The following LRIG2 variants were observed in gnomAD, a reference collection of about 807,000 sequenced individuals.
LRIG2 encodes leucine-rich repeats and immunoglobulin-like domains protein 2.
A neutral mutation model predicts 107.8 loss-of-function variants in LRIG2; 93 were observed. That is an observed-to-expected ratio of 0.86 (90% CI 0.73 to 1.03). The LOEUF (loss-of-function observed/expected upper bound fraction) is 1.03, where lower values mean the gene tolerates loss of function less well. Ranked by LOEUF, LRIG2 falls within the 50% of genes least tolerant of loss-of-function variation. The pLI, the probability that LRIG2 is intolerant of heterozygous loss-of-function variation, is 0.00. For missense variants in LRIG2, 1,226 were observed against 1,296.0 expected, an observed-to-expected ratio of 0.95 and a Z score of 0.83; for synonymous variants, 471 against 470.6, an observed-to-expected ratio of 1.00 and a Z score of -0.01.
chr1:113,101,178 C>T (rs946290842), intron 11 of LRIG2, among the ~76,000 whole-genome samples: 6 of 152,138 alleles, frequency 3.9e-5, no homozygotes, highest in Non-Finnish European at 7.3e-5. Context: ...TCAAGCGGTT[C>T]TCACCTCAGC....
At chr1:113,105,639 G>A (rs1381492290) in intron 11 of LRIG2, among the ~76,000 whole-genome samples, 1 of 152,146 alleles carries the variant, frequency 6.6e-6, no homozygotes, top group Non-Finnish European at 1.5e-5. Context: ...AGAGCCAGGT[G>A]TGGTGGCTCA....
At chr1:113,114,267 C>T (rs1000149355) in intron 14 of LRIG2, among the ~76,000 whole-genome samples, 160 bp from the exon 15 acceptor site, 1 of 151,888 alleles carries the variant, frequency 6.6e-6, no homozygotes, top group African/African-American at 2.4e-5. Flanking sequence ...AAGATTGAGG[C>T]TTTTTTCAGG....
At chr1:113,120,751 C>A (rs1655213226) in intron 17 of LRIG2, among the ~76,000 whole-genome samples, 1 of 151,644 alleles carries the variant, frequency 6.6e-6, no homozygotes, top group African/African-American at 2.4e-5. Flanking sequence ...CTCAGGTGAG[C>A]CACCCACCTT....
chr1:113,102,261 AT>A (rs58695970), intron 11 of LRIG2, among the ~76,000 whole-genome samples: 148,490 of 150,478 alleles, frequency 0.99, 73,291 homozygotes, highest in South Asian at 1. Flanking sequence ...TTGTTCCAGT[AT>A]TTTTTTTTTT....
intron 9 of LRIG2, 61 bp downstream of exon 9, chr1:113,098,846 T>C (rs1654181887): frequency 2.0e-6 from 2 of 981,556 alleles, no homozygotes; most frequent in East Asian, 2.4e-5. Flanking sequence ...CGGCTGTAAA[T>C]ATGATTGAAT....
chr1:113,112,438 T>C, intron 13 of LRIG2, 41 bp from the exon 14 acceptor site: 1 of 1,575,110 alleles, frequency 6.3e-7, no homozygotes, highest in East Asian at 2.3e-5. Flanking sequence ...TGTGTCTTTG[T>C]TCCCTTGCCC....
chr1:113,113,136 T>G (rs1276078855), intron 14 of LRIG2, among the ~76,000 whole-genome samples: 1 of 151,974 alleles, frequency 6.6e-6, no homozygotes, highest in Non-Finnish European at 1.5e-5. Flanking sequence ...TTGATGCTGC[T>G]TCACTTATTG....
chr1:113,106,848 A>G (rs988710894), intron 11 of LRIG2, among the ~76,000 whole-genome samples: 7 of 152,158 alleles, frequency 4.6e-5, no homozygotes, highest in African/African-American at 1.7e-4. Context: ...ATTTGACAAT[A>G]ATTATATGTT....
intron 6 of LRIG2, 84 bp from the exon 7 acceptor site, chr1:113,095,790 T>C (rs1416895910): frequency 1.4e-6 from 2 of 1,425,672 alleles, no homozygotes; most frequent in African/African-American, 2.8e-5. Context: ...TATATGCTTC[T>C]CTGGGAAAAA....
chr1:113,089,468 C>T (rs1653694784), intron 1 of LRIG2, among the ~76,000 whole-genome samples: 1 of 152,098 alleles, frequency 6.6e-6, no homozygotes, highest in African/African-American at 2.4e-5. Context: ...ATTGGCCAAT[C>T]AGTGATCTTT....
intron 1 of LRIG2, among the ~76,000 whole-genome samples, chr1:113,077,457 T>G (rs1653033306): frequency 6.6e-6 from 1 of 152,240 alleles, no homozygotes; most frequent in Non-Finnish European, 1.5e-5. Context: ...CTAAAAATTT[T>G]GTCTTGGATC....
chr1:113,123,415 A>G (rs1181380709), intron 17 of LRIG2, among the ~76,000 whole-genome samples: 2 of 152,054 alleles, frequency 1.3e-5, no homozygotes, highest in African/African-American at 4.8e-5. Flanking sequence ...TCTCTACTAA[A>G]TATACAAAAT....
At position 113,096,262 on chromosome 1, in the gene LRIG2, G is replaced by A. The variant is rs200968672; in HGVS notation, c.988G>A (p.Ala330Thr). ...YNQLTRLDES[A>T]FVGLSLLERL... Reference sequence around the variant, plus strand: ...CCAGCTGACCCGCCTGGATGAATCTGCCTTTGTGGGTCTGAGCTTATTGGA... The same window carrying A: ...CCAGCTGACCCGCCTGGATGAATCTACCTTTGTGGGTCTGAGCTTATTGGA... Residue 330 changes from alanine to threonine, a missense_variant, in exon 8 of 18, where the codon GCC (alanine) becomes ACC (threonine). Transcript: ENST00000361127. 28 of 1,614,168 alleles carry A rather than the reference G, an allele frequency of 1.7e-5. No individual in the cohort carries two copies. The African/African-American group carries it at 3.6e-4, about 21-fold the overall frequency.
At chr1:113,075,624 C>A (rs1191057252) in intron 1 of LRIG2, among the ~76,000 whole-genome samples, 1 of 148,658 alleles carries the variant, frequency 6.7e-6, no homozygotes, top group Non-Finnish European at 1.5e-5. Flanking sequence ...CTGATTATAA[C>A]AATAAGTCTG....
intron 8 of LRIG2, among the ~76,000 whole-genome samples, 164 bp from the exon 9 acceptor site, chr1:113,098,541 C>T (rs1268557354): frequency 6.6e-6 from 1 of 152,054 alleles, no homozygotes; most frequent in Non-Finnish European, 1.5e-5. Flanking sequence ...GTGTTTATTA[C>T]AGATATTTCT....
rs576112288 is a variant in LRIG2 at position 113,116,416 on chromosome 1, A to G, written c.2660A>G (p.Tyr887Cys). The change falls in exon 16 of 18, where the codon TAT becomes TGT. Residue 887 changes from tyrosine to cysteine, a missense_variant. Physicochemically the swap from Tyr to Cys is radical, Grantham distance 194. Transcript: ENST00000361127. ...CAACTTATGCCTCCTGCCAATGGATATATACACAAAGGCACTGACGGTAAT... is the reference window on the plus strand; with the variant it reads ...CAACTTATGCCTCCTGCCAATGGATGTATACACAAAGGCACTGACGGTAAT... ...HQQLMPPANG[Y>C]IHKGTDGGTG... The G allele has an allele frequency of 1.9e-6, 3 of 1,601,674 alleles. No individual in the cohort carries two copies. Among genetic ancestry groups the G allele is most frequent in the South Asian group, 2.2e-5 (2 of 89,888 alleles).
At chr1:113,080,835 A>AGTTTTTT (rs1557896158) in intron 1 of LRIG2, among the ~76,000 whole-genome samples, 1 of 137,378 alleles carries the variant, frequency 7.3e-6, no homozygotes, top group African/African-American at 2.9e-5. Context: ...GAACACTAAA[A>AGTTTTTT]GTTTTTTTTT....
chr1:113,104,060 A>G (rs1654426577), intron 11 of LRIG2, among the ~76,000 whole-genome samples: 1 of 151,938 alleles, frequency 6.6e-6, no homozygotes, highest in Non-Finnish European at 1.5e-5. Flanking sequence ...TTGCTCCACC[A>G]CTGGTTCTGT....
In LRIG2 at chr1:113,114,509, G is replaced by T; in HGVS notation, c.2163G>T (p.Gly721=). 1 of 1,613,938 alleles carries T rather than the reference G, an allele frequency of 6.2e-7. No individual in the cohort carries two copies. Among genetic ancestry groups the T allele is most frequent in the Non-Finnish European group, 8.5e-7 (1 of 1,179,994 alleles). ...ETAVLQCIAG[G]SPAPRLNWTK... ...CGGTGTTACAGTGCATAGCTGGAGGGAGTCCTGCCCCTCGTCTCAACTGGA... is the reference window on the plus strand; with the variant it reads ...CGGTGTTACAGTGCATAGCTGGAGGTAGTCCTGCCCCTCGTCTCAACTGGA... Residue 721 remains glycine (G), a synonymous_variant, in exon 15 of 18, where the codon GGG becomes GGT. Transcript: ENST00000361127.
Sources: gnomAD v4.1 joint callset for allele counts (sites outside exome capture counted in the v4.1 genomes callset) on GRCh38, gnomAD v4.1.1 for gene constraint, MANE v1.5 for transcripts, NCBI Gene and HGNC (gene_info 2026-07-23, HGNC 2026-07-21) for gene names.